Variants in ANO2 observed in about 807,000 individuals in gnomAD.
ANO2 encodes anoctamin-2.
In ANO2, 101 loss-of-function variants were observed where a neutral mutation model predicts 124.2. The ratio of observed to expected loss-of-function variants is 0.81; its 90% CI spans 0.69 to 0.96. The LOEUF (loss-of-function observed/expected upper bound fraction) is 0.96. ANO2 is among the 40% of genes least tolerant of loss of function. The probability of loss-of-function intolerance (pLI) is 0.00; values close to 1 mark genes in which losing one functional copy is unlikely to be tolerated. For synonymous variants in ANO2, 486 were observed against 482.5 expected, an observed-to-expected ratio of 1.01 and a Z score of -0.09; for missense variants, 1,293 against 1,274.5, an observed-to-expected ratio of 1.01 and a Z score of -0.22.
intron 1 of ANO2, among the ~76,000 whole-genome samples, chr12:5,940,481 A>C (rs985620584): frequency 6.6e-6 from 1 of 152,196 alleles, no homozygotes; most frequent in Non-Finnish European, 1.5e-5. Context: ...AGGAAGCCTA[A>C]GCATGCTTGG....
intron 3 of ANO2, among the ~76,000 whole-genome samples, chr12:5,887,351 T>C (rs1938994768): frequency 6.6e-6 from 1 of 152,226 alleles, no homozygotes; most frequent in Non-Finnish European, 1.5e-5. Flanking sequence ...CCTTACCTAA[T>C]ACAGCAGCAC....
At chr12:5,659,408 GC>G (rs1264960374) in intron 14 of ANO2, among the ~76,000 whole-genome samples, 1 of 152,132 alleles carries the variant, frequency 6.6e-6, no homozygotes, top group Non-Finnish European at 1.5e-5. Flanking sequence ...CTGGAGCTGA[GC>G]CTCCAGGTCC....
At chr12:5,771,260 G>A (rs1014013168) in intron 10 of ANO2, among the ~76,000 whole-genome samples, 6 of 152,132 alleles carry the variant, frequency 3.9e-5, no homozygotes, top group Non-Finnish European at 8.8e-5. Context: ...CTGTGCATGA[G>A]GCAAGCACAG....
intron 5 of ANO2, 60 bp downstream of exon 5, chr12:5,832,391 AG>A: frequency 6.3e-7 from 1 of 1,595,860 alleles, no homozygotes; most frequent in Non-Finnish European, 8.6e-7. Context: ...GTCATAGAAC[AG>A]TATTCAATTT....
At chr12:5,843,169 C>T (rs187548995) in intron 4 of ANO2, among the ~76,000 whole-genome samples, 23 of 152,142 alleles carry the variant, frequency 1.5e-4, no homozygotes, top group Admixed American at 1.0e-3. Flanking sequence ...ATAATAATAA[C>T]AAGAATCTGT....
At chr12:5,937,518 CATTTT>C (rs1565796356) in intron 1 of ANO2, among the ~76,000 whole-genome samples, 1 of 152,142 alleles carries the variant, frequency 6.6e-6, no homozygotes, top group Non-Finnish European at 1.5e-5. Context: ...GCTGCCTTTT[CATTTT>C]GTTTCCTTTG....
intron 3 of ANO2, among the ~76,000 whole-genome samples, chr12:5,889,199 C>T (rs572804110): frequency 9.2e-5 from 14 of 152,310 alleles, no homozygotes; most frequent in Non-Finnish European, 1.0e-4. Flanking sequence ...CCAAGCGCCA[C>T]GCGCAGCCCT....
At chr12:5,915,556 C>T (rs1941330157) in intron 3 of ANO2, among the ~76,000 whole-genome samples, 1 of 149,298 alleles carries the variant, frequency 6.7e-6, no homozygotes, top group African/African-American at 2.6e-5. Flanking sequence ...ATTTGCTCTC[C>T]ATTTGCCTTA....
In ANO2 at chr12:5,812,982, A is replaced by C. The variant is rs1239805878; in HGVS notation, c.893-5614T>G. On this transcript the variant is annotated intron_variant, in intron 7 of 24. Transcript: ENST00000682330. ...GAAGAGAGGGAGGGAGGAAGGAAGG[A>C]AGGGTAAGCAAACAAGCAAGAAAGA... Among the ~76,000 whole-genome samples the C allele has an allele frequency of 1.8e-5, 2 of 112,120 alleles. 1 individual carries two copies. The highest frequency in any genetic ancestry group is 4.0e-5 in the Non-Finnish European group (2 of 50,188). The allele number at this position is 112,120 out of a possible 152,430, so 73.6% of individuals were successfully genotyped here. A position where few individuals can be genotyped will look rare whatever the true frequency, so the allele number is the denominator to read the frequency against.
intron 14 of ANO2, among the ~76,000 whole-genome samples, chr12:5,672,453 A>G (rs1300340194): frequency 6.6e-6 from 1 of 152,198 alleles, no homozygotes; most frequent in African/African-American, 2.4e-5. Flanking sequence ...CTTGGTTTGA[A>G]AAGCAAAGTC....
intron 3 of ANO2, among the ~76,000 whole-genome samples, chr12:5,913,444 G>A (rs565588003): frequency 2.0e-5 from 3 of 152,318 alleles, no homozygotes; most frequent in African/African-American, 4.8e-5. Context: ...CGGCCCTGGC[G>A]CCACACGCTC....
intron 23 of ANO2, 54 bp downstream of exon 23, chr12:5,575,780 T>C: frequency 6.4e-7 from 1 of 1,568,884 alleles, no homozygotes; most frequent in Non-Finnish European, 8.7e-7. Context: ...CCCGTAATTA[T>C]TTGGATCTAT....
intron 12 of ANO2, among the ~76,000 whole-genome samples, chr12:5,742,854 C>T (rs1951143582): frequency 6.6e-6 from 1 of 151,950 alleles, no homozygotes; most frequent in Admixed American, 6.6e-5. Flanking sequence ...GGCAACAAGC[C>T]CCAACTTCAG....
At chr12:5,601,536 G>A (rs988028534) in intron 19 of ANO2, among the ~76,000 whole-genome samples, 8 of 152,114 alleles carry the variant, frequency 5.3e-5, no homozygotes, top group East Asian at 3.9e-4. Context: ...AGGAGAAGAT[G>A]CAGGAAAAAT....
intron 1 of ANO2, among the ~76,000 whole-genome samples, chr12:5,923,446 G>A (rs1941932445): frequency 6.6e-6 from 1 of 152,196 alleles, no homozygotes; most frequent in Non-Finnish European, 1.5e-5. Context: ...TAGGCTTTGG[G>A]CCTCTCCCGT....
chr12:5,615,096 A>T, intron 17 of ANO2, 90 bp downstream of exon 17: 2 of 996,976 alleles, frequency 2.0e-6, no homozygotes, highest in Non-Finnish European at 3.0e-6. Context: ...TGAGTGGACA[A>T]TGGGGACAGG....
chr12:5,755,383 T>C lies in ANO2; in HGVS notation c.1056-4413A>G, dbSNP rs1591575406. 2.0e-5 allele frequency among the ~76,000 whole-genome samples: 3 copies of C among 148,248 alleles called. No individual in the cohort carries two copies. In the East Asian group the frequency reaches 5.8e-4, roughly 29 times the overall value. Reference sequence around the variant, plus strand: ...TCTTTTTTACATTTATTTATTTTTATTTATTTTATTTATTTATTTATTTAT... The same window carrying C: ...TCTTTTTTACATTTATTTATTTTTACTTATTTTATTTATTTATTTATTTAT... On this transcript the variant is annotated intron_variant, in intron 10 of 24. Coordinates refer to ENST00000682330, the MANE Select transcript of ANO2 (RefSeq NM_001364791.2).
chr12:5,739,540 A>G, intron 12 of ANO2, 141 bp from the exon 13 acceptor site: 1 of 636,616 alleles, frequency 1.6e-6, no homozygotes, highest in Non-Finnish European at 2.7e-6. Flanking sequence ...TCTTTTTCCC[A>G]CTTCTAGGTG....
At position 5,921,301 on chromosome 12, in the gene ANO2, G is replaced by A; in HGVS notation, c.273C>T (p.His91=). 10 of 1,614,010 alleles carry A rather than the reference G, an allele frequency of 6.2e-6. No individual in the cohort carries two copies. Among genetic ancestry groups the A allele is most frequent in the Non-Finnish European group, 8.5e-6 (10 of 1,179,894 alleles). Residue 91 remains histidine (H), a synonymous_variant, in exon 3 of 25, where the codon CAC becomes CAT. Transcript: ENST00000682330. ...VSLEARLSRM[H]FHDSQRKVDY... is the part of the protein sequence containing the mutation. ...CGACCTTCCTCTGACTGTCATGGAAGTGCATGCGGCTAAGACGGGCCTCCA... is the reference window on the plus strand; with the variant it reads ...CGACCTTCCTCTGACTGTCATGGAAATGCATGCGGCTAAGACGGGCCTCCA...
Sources: allele counts gnomAD v4.1 joint callset (sites outside exome capture counted in the v4.1 genomes callset), GRCh38; gene constraint gnomAD v4.1.1; transcripts MANE v1.5; gene names NCBI Gene and HGNC (gene_info 2026-07-23, HGNC 2026-07-21).